The following KALRN variants were observed in gnomAD, a reference collection of about 807,000 sequenced individuals.
KALRN encodes the protein kalirin.
Under a neutral mutation model 353.7 loss-of-function variants are expected in KALRN, and 70 were observed. That is an observed-to-expected ratio of 0.20 (90% CI 0.16 to 0.24). The LOEUF (loss-of-function observed/expected upper bound fraction) is 0.24. Among genes scored for constraint, KALRN ranks in the 10% least tolerant of loss-of-function variants. The probability of loss-of-function intolerance (pLI) is 1.00; values close to 1 mark genes in which losing one functional copy is unlikely to be tolerated. For missense variants in KALRN, 2,791 were observed against 3,756.7 expected, an observed-to-expected ratio of 0.74 and a Z score of 6.72; for synonymous variants, 1,391 against 1,434.8, an observed-to-expected ratio of 0.97 and a Z score of 0.69.
chr3:124,070,877 AAG>A (rs1466730179), intron 1 of KALRN, among the ~76,000 whole-genome samples: 6 of 152,184 alleles, frequency 3.9e-5, no homozygotes, highest in African/African-American at 1.4e-4. Flanking sequence ...CACCTATAAA[AAG>A]AGAGGATTTC....
At chr3:124,603,628 A>C (rs1252085014) in intron 34 of KALRN, among the ~76,000 whole-genome samples, 1 of 152,210 alleles carries the variant, frequency 6.6e-6, no homozygotes, top group Non-Finnish European at 1.5e-5. Context: ...GGAGAGACCC[A>C]GTCAATTTTT....
At chr3:124,400,643 G>A (rs979874352) in intron 13 of KALRN, among the ~76,000 whole-genome samples, 10 of 152,108 alleles carry the variant, frequency 6.6e-5, no homozygotes, top group Non-Finnish European at 1.3e-4. Flanking sequence ...TAAAGGCAGG[G>A]TAACAAGGTA....
intron 19 of KALRN, 118 bp from the exon 20 acceptor site, chr3:124,446,043 C>T (rs1294959314): frequency 8.1e-5 from 51 of 628,942 alleles, no homozygotes; most frequent in Middle Eastern, 2.8e-4. Flanking sequence ...GGATTAGTCT[C>T]ATGGGGATGC....
At chr3:124,170,377 C>CA (rs2071565003) in intron 1 of KALRN, among the ~76,000 whole-genome samples, 1 of 152,168 alleles carries the variant, frequency 6.6e-6, no homozygotes, top group Non-Finnish European at 1.5e-5. Flanking sequence ...TCTATGCATG[C>CA]AAAATCCCAG....
At chr3:124,405,855 A>G (rs1475912038) in intron 13 of KALRN, among the ~76,000 whole-genome samples, 1 of 152,116 alleles carries the variant, frequency 6.6e-6, no homozygotes, top group East Asian at 1.9e-4. Flanking sequence ...TGTGTTAGCC[A>G]GGATGGCCTC....
At chr3:124,368,318 G>C (rs535487464) in intron 10 of KALRN, among the ~76,000 whole-genome samples, 1 of 149,092 alleles carries the variant, frequency 6.7e-6, no homozygotes, top group South Asian at 2.1e-4. Flanking sequence ...GGTGGCTGCC[G>C]GGCGGAGGGG....
chr3:124,386,890 A>G (rs954627525), intron 11 of KALRN, among the ~76,000 whole-genome samples: 1 of 152,174 alleles, frequency 6.6e-6, no homozygotes, highest in Non-Finnish European at 1.5e-5. Flanking sequence ...TAATCTTATG[A>G]TATAGATTTT....
intron 14 of KALRN, among the ~76,000 whole-genome samples, chr3:124,415,218 A>T (rs1283938655): frequency 1.3e-5 from 2 of 152,154 alleles, no homozygotes; most frequent in Non-Finnish European, 2.9e-5. Flanking sequence ...TTTTTTTTAA[A>T]TGACAGTGCC....
At chr3:124,256,626 TATTC>T (rs767969143) in intron 3 of KALRN, among the ~76,000 whole-genome samples, 1 of 152,180 alleles carries the variant, frequency 6.6e-6, no homozygotes, top group Non-Finnish European at 1.5e-5. Flanking sequence ...GTGACACGCC[TATTC>T]ATTCATTCCT....
chr3:124,655,857 T>C (rs908682459), intron 39 of KALRN, among the ~76,000 whole-genome samples, 190 bp downstream of exon 39: 3 of 152,174 alleles, frequency 2.0e-5, no homozygotes, highest in Non-Finnish European at 4.4e-5. Context: ...AAATAAGATA[T>C]TTAGAGGGAA....
Position 124,697,592 on chromosome 3 carries a change from G to C in KALRN, c.7700-1G>C. 6.3e-7 allele frequency: 1 copy of C among 1,599,756 alleles called. No individual in the cohort carries two copies. The highest frequency in any genetic ancestry group is 8.5e-7 in the Non-Finnish European group (1 of 1,175,482). ...CCTGATCCTGATTTCTGTCTCCATA[G>C]GTGTTCCAGCAGCCCCTAACCGCCC... On this transcript the variant is annotated splice_acceptor_variant, in intron 54 of 59. Coordinates refer to ENST00000682506, the MANE Select transcript of KALRN (RefSeq NM_001388419.1). LOFTEE classifies it high-confidence loss of function.
chr3:124,526,141 G>C (rs1393860570), intron 33 of KALRN, among the ~76,000 whole-genome samples: 1 of 152,214 alleles, frequency 6.6e-6, no homozygotes, highest in Non-Finnish European at 1.5e-5. Context: ...AATGAGCCTA[G>C]TGAGTGTGAT....
chr3:124,298,783 C>G lies in KALRN; in HGVS notation c.970-8C>G, dbSNP rs1202743904. The G allele has an allele frequency of 1.2e-6, 2 of 1,613,968 alleles. No individual in the cohort carries two copies. The highest frequency in any genetic ancestry group is 1.7e-5 in the Admixed American group (1 of 60,010). On this transcript the variant is annotated splice_region_variant and splice_polypyrimidine_tract_variant and intron_variant, in intron 5 of 59. Coordinates refer to ENST00000682506, the MANE Select transcript of KALRN (RefSeq NM_001388419.1). The stretch of plus-strand genomic sequence containing the variant: ...TCTGATTATGCTGTGCCTTCTTGTC[C>G]TCTCTAGATGTTTGACTGGATAAGC...
intron 1 of KALRN, among the ~76,000 whole-genome samples, chr3:124,148,764 T>A (rs957985839): frequency 6.6e-6 from 1 of 152,150 alleles, no homozygotes; most frequent in Non-Finnish European, 1.5e-5. Context: ...TTAGGCCACC[T>A]GAGAAGGTTA....
chr3:124,521,080 G>A (rs1197223472), intron 33 of KALRN, among the ~76,000 whole-genome samples: 1 of 152,188 alleles, frequency 6.6e-6, no homozygotes, highest in Non-Finnish European at 1.5e-5. Context: ...GCAGACCAGT[G>A]TCCTGCTCTT....
intron 3 of KALRN, among the ~76,000 whole-genome samples, chr3:124,250,640 A>T (rs1317187496): frequency 1.3e-5 from 2 of 152,196 alleles, no homozygotes; most frequent in Non-Finnish European, 2.9e-5. Context: ...TTAAAAGATG[A>T]ATTGTTTTTC....
intron 37 of KALRN, among the ~76,000 whole-genome samples, chr3:124,650,493 G>C (rs989406323): frequency 6.6e-6 from 1 of 152,142 alleles, no homozygotes; most frequent in African/African-American, 2.4e-5. Flanking sequence ...TGCATATTTG[G>C]TATAGAATTG....
At chr3:124,681,172 C>T (rs2087725906) in intron 51 of KALRN, among the ~76,000 whole-genome samples, 1 of 152,110 alleles carries the variant, frequency 6.6e-6, no homozygotes, top group Non-Finnish European at 1.5e-5. Flanking sequence ...AAGAAATGGG[C>T]ACAGAGGGAT....
intron 12 of KALRN, among the ~76,000 whole-genome samples, chr3:124,397,758 G>A (rs1033281787): frequency 2.0e-5 from 3 of 152,138 alleles, no homozygotes; most frequent in Non-Finnish European, 4.4e-5. Context: ...CTCAGAGGAG[G>A]CTGCACCCCC....
Sources: allele counts gnomAD v4.1 joint callset (sites outside exome capture counted in the v4.1 genomes callset), GRCh38; gene constraint gnomAD v4.1.1; transcripts MANE v1.5; gene names NCBI Gene and HGNC (gene_info 2026-07-23, HGNC 2026-07-21).